Variants in CCDC126 observed in about 807,000 individuals in gnomAD.
CCDC126 encodes coiled-coil domain containing 126.
A neutral mutation model predicts 11.7 loss-of-function variants in CCDC126; 5 were observed. The observed-to-expected ratio is 0.43, with a 90% CI of 0.22 to 0.90. The LOEUF (loss-of-function observed/expected upper bound fraction) is 0.90. CCDC126 is among the 40% of genes least tolerant of loss of function. The probability of loss-of-function intolerance (pLI) is 0.27; values close to 1 mark genes in which losing one functional copy is unlikely to be tolerated. For missense variants in CCDC126, 150 were observed against 163.1 expected (o/e 0.92, Z 0.44); for synonymous variants, 60 against 61.9 (o/e 0.97, Z 0.14).
At chr7:23,612,834 G>A (rs1468598889) in intron 3 of CCDC126, among the ~76,000 whole-genome samples, 1 of 152,070 alleles carries the variant, frequency 6.6e-6, no homozygotes, top group African/African-American at 2.4e-5. Context: ...CTCCAGTATT[G>A]TTTATTGCTG....
At chr7:23,640,451 C>T (rs778023033) in intron 3 of CCDC126, among the ~76,000 whole-genome samples, 1 of 150,986 alleles carries the variant, frequency 6.6e-6, no homozygotes, top group African/African-American at 2.4e-5. Context: ...GAGCCGAGAT[C>T]GCGCCATTGC....
At chr7:23,628,511 G>A (rs1369295907) in intron 3 of CCDC126, among the ~76,000 whole-genome samples, 1 of 152,240 alleles carries the variant, frequency 6.6e-6, no homozygotes, top group Non-Finnish European at 1.5e-5. Flanking sequence ...AACTGTTGCT[G>A]CACTACCAGC....
intron 3 of CCDC126, among the ~76,000 whole-genome samples, chr7:23,628,657 G>A (rs913852811): frequency 1.3e-5 from 2 of 152,098 alleles, no homozygotes; most frequent in Admixed American, 6.5e-5. Context: ...AGCCAGCCAG[G>A]AGTGAGAACT....
In CCDC126 at chr7:23,643,103, C is replaced by A. The variant is rs748721024; in HGVS notation, c.411C>A (p.Gly137=). 8.1e-6 allele frequency: 13 copies of A among 1,613,662 alleles called. No individual in the cohort carries two copies. The South Asian group carries it at 1.4e-4, about 18-fold the overall frequency. ...VTTNKRTNVS[G]SIR ...CAAATAAAAGAACGAATGTCTCGGG[C>A]AGTATCAGATAGCAGTTGAAAATCA... The change falls in exon 4 of 4, where the codon GGC becomes GGA. Residue 137 remains glycine, a synonymous_variant. Coordinates refer to ENST00000307471, the MANE Select transcript of CCDC126 (RefSeq NM_138771.4).
intron 2 of CCDC126, among the ~76,000 whole-genome samples, chr7:23,602,499 G>C (rs1210295653): frequency 2.0e-5 from 3 of 152,104 alleles, no homozygotes; most frequent in Non-Finnish European, 4.4e-5. Context: ...GGAACACAAA[G>C]CTTTCTTTGC....
At chr7:23,611,147 C>T (rs986082956) in intron 2 of CCDC126, 24 bp from the exon 3 acceptor site, 4 of 571,540 alleles carry the variant, frequency 7.0e-6, no homozygotes, top group Admixed American at 3.2e-5. Flanking sequence ...AAGACTAATA[C>T]TGTTTTTCTT....
At chr7:23,642,854 C>A in intron 3 of CCDC126, 77 bp from the exon 4 acceptor site, 1 of 1,246,670 alleles carries the variant, frequency 8.0e-7, no homozygotes, top group Non-Finnish European at 1.1e-6. Context: ...AGTTGTTCAC[C>A]TTTTTCCTTC....
intron 3 of CCDC126, among the ~76,000 whole-genome samples, chr7:23,611,818 A>G (rs1489395691): frequency 6.6e-6 from 1 of 152,202 alleles, no homozygotes; most frequent in African/African-American, 2.4e-5. Context: ...AAATTATGAC[A>G]TTTCGCTGCT....
At chr7:23,622,136 G>A (rs1377532859) in intron 3 of CCDC126, among the ~76,000 whole-genome samples, 1 of 152,190 alleles carries the variant, frequency 6.6e-6, no homozygotes, top group Admixed American at 6.5e-5. Flanking sequence ...CAGTTGATTG[G>A]AATAGTTTCA....
chr7:23,600,507 G>A (rs980245356), intron 2 of CCDC126, among the ~76,000 whole-genome samples: 30 of 151,632 alleles, frequency 2.0e-4, no homozygotes, highest in African/African-American at 7.3e-4. Context: ...GTCGTTTTTG[G>A]AGAGAACTAT....
intron 3 of CCDC126, chr7:23,622,787 T>G (rs1392009474): frequency 6.2e-6 from 3 of 481,228 alleles, no homozygotes; most frequent in Non-Finnish European, 1.2e-5. Flanking sequence ...GATACAACAT[T>G]GAATGGTTGC....
At position 23,644,033 on chromosome 7, in the gene CCDC126, C is replaced by T. The variant is rs2128024048; in HGVS notation, c.*918C>T. ...GAGGAAGGGACTTTGGAGAATGGAA[C>T]TCTTGAGGACTTTAGCCAGGTGTAT... is the stretch of plus-strand genomic sequence containing the variant. On this transcript the variant is annotated 3_prime_UTR_variant, in exon 4 of 4. Coordinates refer to ENST00000307471, the MANE Select transcript of CCDC126 (RefSeq NM_138771.4). The T allele has an allele frequency of 6.6e-6, 1 of 152,146 alleles. No individual in the cohort carries two copies. The highest frequency in any genetic ancestry group is 2.4e-5 in the African/African-American group (1 of 41,546). 9.4% of individuals were successfully genotyped at this position (152,146 alleles called of 1,614,324 possible).
chr7:23,639,930 C>CT (rs1205864518), intron 3 of CCDC126, among the ~76,000 whole-genome samples: 1 of 152,140 alleles, frequency 6.6e-6, no homozygotes, highest in African/African-American at 2.4e-5. Context: ...AATCCCAGCA[C>CT]TTTGGGAGGC....
In CCDC126 at chr7:23,644,183, A is replaced by G. The variant is rs1783419325; in HGVS notation, c.*1068A>G. Reference sequence around the variant, plus strand: ...ATGCATTAGATATTCATTTTATATAATGGCCACTTAAAATAAGAACATTTA... The same window carrying G: ...ATGCATTAGATATTCATTTTATATAGTGGCCACTTAAAATAAGAACATTTA... On this transcript the variant is annotated 3_prime_UTR_variant, in exon 4 of 4. Transcript: ENST00000307471. 6.6e-6 allele frequency: 1 copy of G among 152,162 alleles called. No individual in the cohort carries two copies. The highest frequency in any genetic ancestry group is 2.4e-5 in the African/African-American group (1 of 41,454). The allele number at this position is 152,162 out of a possible 1,614,324, so 9.4% of individuals were successfully genotyped here.
At chr7:23,621,982 C>T (rs1196112591) in intron 3 of CCDC126, among the ~76,000 whole-genome samples, 2 of 152,144 alleles carry the variant, frequency 1.3e-5, no homozygotes, top group Non-Finnish European at 2.9e-5. Flanking sequence ...ATTCGGTTTG[C>T]CAGTGTTTTA....
At position 23,611,441 on chromosome 7, in the gene CCDC126, T is replaced by A. The variant is rs773094723; in HGVS notation, c.126T>A (p.Ser42Arg). ...YTFQQPRHQS[S>R]VKLREQILDL... ...TTCAACAACCAAGACATCAAAGCAG[T>A]GTCAAGTTACGTGAGCAAATACTAG... is the stretch of plus-strand genomic sequence containing the variant. Residue 42 changes from serine to arginine, a missense_variant, in exon 3 of 4, where the codon AGT becomes AGA. By Grantham distance (110) the Ser-to-Arg change is moderately radical (BLOSUM62 -1). Coordinates refer to ENST00000307471, the MANE Select transcript of CCDC126 (RefSeq NM_138771.4). The A allele has an allele frequency of 1.2e-6, 2 of 1,613,842 alleles. No homozygotes were observed. The highest frequency in any genetic ancestry group is 2.7e-5 in the African/African-American group (2 of 74,930).
intron 3 of CCDC126, among the ~76,000 whole-genome samples, chr7:23,640,400 C>T (rs1009776841): frequency 6.7e-6 from 1 of 150,022 alleles, no homozygotes; most frequent in Non-Finnish European, 1.5e-5. Flanking sequence ...GGGAGACTGA[C>T]GCAGGCGAAT....
At chr7:23,636,286 G>T (rs1298872979) in intron 3 of CCDC126, among the ~76,000 whole-genome samples, 2 of 151,846 alleles carry the variant, frequency 1.3e-5, no homozygotes, top group African/African-American at 4.8e-5. Flanking sequence ...CCGCCACCCC[G>T]TCTGGGAAGT....
chr7:23,629,163 C>G (rs1270606162), intron 3 of CCDC126, among the ~76,000 whole-genome samples: 1 of 152,182 alleles, frequency 6.6e-6, no homozygotes, highest in Non-Finnish European at 1.5e-5. Context: ...ATGTGTCCCT[C>G]CAAAATTCAT....
Sources: gnomAD v4.1 joint callset for allele counts (sites outside exome capture counted in the v4.1 genomes callset) on GRCh38, gnomAD v4.1.1 for gene constraint, MANE v1.5 for transcripts, NCBI Gene and HGNC (gene_info 2026-07-23, HGNC 2026-07-21) for gene names.